CACNA1C: variants seen among roughly 807,000 people sequenced by gnomAD.
CACNA1C encodes the protein voltage-dependent L-type calcium channel subunit alpha-1C.
In CACNA1C, 30 loss-of-function variants were observed where a neutral mutation model predicts 229.0. The ratio of observed to expected loss-of-function variants is 0.13; its 90% CI spans 0.10 to 0.18. The LOEUF (loss-of-function observed/expected upper bound fraction) is 0.18, where lower values mean the gene tolerates loss of function less well. CACNA1C is among the 10% of genes least tolerant of loss of function. The probability of loss-of-function intolerance (pLI) is 1.00; values close to 1 mark genes in which losing one functional copy is unlikely to be tolerated. For synonymous variants in CACNA1C, 1,114 were observed against 1,132.5 expected (o/e 0.98, Z 0.33); for missense variants, 1,658 against 2,845.0 (o/e 0.58, Z 9.49).
intron 34 of CACNA1C, among the ~76,000 whole-genome samples, chr12:2,657,526 A>G (rs1045674215): frequency 6.6e-6 from 1 of 152,312 alleles, no homozygotes. Flanking sequence ...AAAAAAATGG[A>G]TGGATAAAAC....
At chr12:2,521,248 C>T (rs535796541) in intron 9 of CACNA1C, among the ~76,000 whole-genome samples, 1 of 152,322 alleles carries the variant, frequency 6.6e-6, no homozygotes, top group East Asian at 1.9e-4. Flanking sequence ...TGTGGAGGGG[C>T]CTATGAGCAG....
intron 9 of CACNA1C, among the ~76,000 whole-genome samples, chr12:2,529,606 T>C (rs2099836104): frequency 1.3e-5 from 2 of 152,234 alleles, no homozygotes; most frequent in Admixed American, 1.3e-4. Flanking sequence ...TTGTCAGATC[T>C]AAAACGAGGT....
chr12:2,634,332 C>T lies in CACNA1C; in HGVS notation c.3864C>T (p.Ala1288=). 1 of 1,583,608 alleles carries T rather than the reference C, an allele frequency of 6.3e-7. No homozygotes were observed. Among genetic ancestry groups the T allele is most frequent in the Non-Finnish European group, 8.6e-7 (1 of 1,162,780 alleles). ...YFCDAWNTFD[A]LIVVGSIVDI... ...GTGATGCATGGAATACATTTGACGC[C>T]TTGATTGTTGTGGGTAGCATTGTTG... Residue 1288 remains alanine (A), a synonymous_variant, in exon 30 of 47, where the codon GCC becomes GCT. Coordinates refer to ENST00000399655, the MANE Select transcript of CACNA1C (RefSeq NM_000719.7).
At position 2,565,323 on chromosome 12, in the gene CACNA1C, C is replaced by G. The variant is rs538264455; in HGVS notation, c.1509-1099C>G. Among the ~76,000 whole-genome samples the G allele has an allele frequency of 5.3e-5, 8 of 151,704 alleles. No individual in the cohort carries two copies. In the East Asian group the frequency reaches 1.2e-3, roughly 22 times the overall value. The stretch of plus-strand genomic sequence containing the variant: ...TCTACTAAAAATACAAAAAATTAGC[C>G]GGGCGCGGTGGCGGGCGCCTGTAGT... On this transcript the variant is annotated intron_variant, in intron 11 of 46. Transcript: ENST00000399655.
intron 11 of CACNA1C, among the ~76,000 whole-genome samples, chr12:2,562,229 C>T (rs1337658066): frequency 6.6e-6 from 1 of 152,138 alleles, no homozygotes; most frequent in South Asian, 2.1e-4. Context: ...ACACAGCACC[C>T]ATATCCACTA....
intron 1 of CACNA1C, among the ~76,000 whole-genome samples, chr12:2,000,380 A>C (rs1219563274): frequency 6.6e-6 from 1 of 152,104 alleles, no homozygotes; most frequent in Non-Finnish European, 1.5e-5. Context: ...CTGAATAAGG[A>C]TATCTATATA....
intron 1 of CACNA1C, among the ~76,000 whole-genome samples, chr12:2,085,640 G>A (rs919705699): frequency 6.6e-6 from 1 of 152,094 alleles, no homozygotes; most frequent in Non-Finnish European, 1.5e-5. Flanking sequence ...CTCGGACTCT[G>A]ATCCGTCTTG....
At chr12:2,168,413 A>G (rs1388232921) in intron 3 of CACNA1C, among the ~76,000 whole-genome samples, 1 of 152,180 alleles carries the variant, frequency 6.6e-6, no homozygotes, top group Non-Finnish European at 1.5e-5. Flanking sequence ...CTTCCCATTA[A>G]TGACTTTACT....
intron 9 of CACNA1C, among the ~76,000 whole-genome samples, chr12:2,546,810 A>G (rs1355521814): frequency 6.6e-6 from 1 of 152,216 alleles, no homozygotes; most frequent in Admixed American, 6.5e-5. Flanking sequence ...TATGTTTTGG[A>G]TGTGAGCCCT....
chr12:2,425,615 CT>C (rs1433836201), intron 3 of CACNA1C, among the ~76,000 whole-genome samples: 1 of 152,144 alleles, frequency 6.6e-6, no homozygotes, highest in Non-Finnish European at 1.5e-5. Context: ...TGGTCCTTAC[CT>C]TTACAATATA....
chr12:2,097,737 C>T (rs745543043), intron 1 of CACNA1C, among the ~76,000 whole-genome samples: 6 of 152,146 alleles, frequency 3.9e-5, no homozygotes, highest in Admixed American at 6.5e-5. Flanking sequence ...TGGAGGCAGC[C>T]GCTCAGCATA....
Position 2,689,285 on chromosome 12 carries a change from C to T in CACNA1C, c.6117+506C>T, listed in dbSNP as rs958774009. ...CTGGTCAGAGCATCTAGTGCAATCC[C>T]GGCACCACATTATTAGGGACCTTTG... On this transcript the variant is annotated intron_variant, in intron 46 of 46. Coordinates refer to ENST00000399655, the MANE Select transcript of CACNA1C (RefSeq NM_000719.7). The surrounding 1 kb of genome is among the most constrained non-coding windows in gnomAD (Gnocchi z 4.2). Among the ~76,000 whole-genome samples, 1 of 152,124 alleles carries T rather than the reference C, an allele frequency of 6.6e-6. No homozygotes were observed. The highest frequency in any genetic ancestry group is 1.5e-5 in the Non-Finnish European group (1 of 68,024).
intron 1 of CACNA1C, among the ~76,000 whole-genome samples, chr12:2,107,365 G>A (rs34176149): frequency 4.3e-5 from 2 of 46,392 alleles, no homozygotes; most frequent in Non-Finnish European, 9.2e-5. Context: ...CCCACCCCGG[G>A]GAGGGTTTCC....
intron 3 of CACNA1C, among the ~76,000 whole-genome samples, chr12:2,327,447 C>T (rs115836113): frequency 0.017 from 2,564 of 152,312 alleles, 61 homozygotes; most frequent in African/African-American, 0.052. Context: ...TCATTGGTAG[C>T]GTCAGGAATT....
chr12:2,553,504 C>T (rs753508351), intron 10 of CACNA1C, among the ~76,000 whole-genome samples: 16 of 152,316 alleles, frequency 1.1e-4, no homozygotes, highest in Non-Finnish European at 2.1e-4. Flanking sequence ...AGACTGAAAC[C>T]AGTGAGTCGT....
intron 3 of CACNA1C, among the ~76,000 whole-genome samples, chr12:2,425,742 A>G (rs2099025352): frequency 6.6e-6 from 1 of 152,118 alleles, no homozygotes. Flanking sequence ...TTTCCCCTCA[A>G]AGCTTTGTAG....
chr12:2,043,231 A>G (rs938990772), intron 1 of CACNA1C, among the ~76,000 whole-genome samples: 1 of 152,230 alleles, frequency 6.6e-6, no homozygotes, highest in Non-Finnish European at 1.5e-5. Context: ...CTAACCACAC[A>G]TGGTTCACAC....
intron 3 of CACNA1C, among the ~76,000 whole-genome samples, chr12:2,290,667 A>G (rs2093393540): frequency 6.6e-6 from 1 of 152,038 alleles, no homozygotes; most frequent in Non-Finnish European, 1.5e-5. Flanking sequence ...TTTATTAGAG[A>G]CATACACTCG....
At position 2,181,785 on chromosome 12, in the gene CACNA1C, A is replaced by G. The variant is rs1425747525; in HGVS notation, c.477+61355A>G. ...TAGATATTACTGTTATTACCCTTTT[A>G]TAGATGAGAACACTGGAGCTTAGCG... On this transcript the variant is annotated intron_variant, in intron 3 of 46. Coordinates refer to ENST00000399655, the MANE Select transcript of CACNA1C (RefSeq NM_000719.7). This position sits in a 1 kb window ranked among gnomAD's most constrained non-coding sequence, Gnocchi z 4.0. 6.6e-6 allele frequency among the ~76,000 whole-genome samples: 1 copy of G among 152,138 alleles called. No individual in the cohort carries two copies. The highest frequency in any genetic ancestry group is 2.1e-4 in the South Asian group (1 of 4,822).
Sources: allele counts gnomAD v4.1 joint callset (sites outside exome capture counted in the v4.1 genomes callset), GRCh38; gene constraint gnomAD v4.1.1; non-coding constraint Gnocchi (gnomAD v3.1); transcripts MANE v1.5; gene names NCBI Gene and HGNC (gene_info 2026-07-23, HGNC 2026-07-21).